The following WNT9B variants were observed in gnomAD, a reference collection of about 807,000 sequenced individuals.
WNT9B encodes the protein protein Wnt-9b.
Under a neutral mutation model 30.2 loss-of-function variants are expected in WNT9B, and 12 were observed. The observed-to-expected ratio is 0.40, with a 90% CI of 0.26 to 0.64. WNT9B has a LOEUF of 0.64. Among genes scored for constraint, WNT9B ranks in the 30% least tolerant of loss-of-function variants. The pLI is 0.42. For missense variants in WNT9B, 442 were observed against 485.2 expected (o/e 0.91, Z 0.84); for synonymous variants, 218 against 216.9 (o/e 1.01, Z -0.05).
chr17:46,885,819 C>T (rs1245702124), exon 5 of WNT9B: 1 of 152,402 alleles, frequency 6.6e-6, no homozygotes, highest in Non-Finnish European at 1.5e-5. Flanking sequence ...TCCTTATTGC[C>T]CCTGCTACTT....
chr17:46,875,028 G>A (rs2085320833), intron 2 of WNT9B, 73 bp from the exon 3 acceptor site: 4 of 1,611,434 alleles, frequency 2.5e-6, no homozygotes, highest in Non-Finnish European at 3.4e-6. Flanking sequence ...AGGGCGGCAG[G>A]CAACCTCTAA....
In WNT9B at chr17:46,841,473, C is replaced by T. The variant is rs146253736; in HGVS notation, c.95+8033C>T. Among the ~76,000 whole-genome samples the T allele has an allele frequency of 7.7e-3, 1,175 of 152,282 alleles. 3 individuals carry two copies. The highest frequency in any genetic ancestry group is 0.014 in the Non-Finnish European group (943 of 68,028). On this transcript the variant is annotated intron_variant, in intron 1 of 2. Coordinates refer to the WNT9B transcript ENST00000575372. The stretch of plus-strand genomic sequence containing the variant: ...CCTCTGGGCGGGAGGGTGGAGAATC[C>T]GAAAGAAAGAGGCCCGTCCCTGGTC...
Position 46,875,177 on chromosome 17 carries a change from T to C in WNT9B, c.411T>C (p.Ala137=). The change falls in exon 3 of 4, where the codon GCT becomes GCC. Residue 137 remains alanine, a synonymous_variant. Coordinates refer to ENST00000290015, the MANE Select transcript of WNT9B (RefSeq NM_003396.3). ...ACACCCTGGCCCGGGCCTGCAGCGC[T>C]GGGCGCATGGAGCGCTGCACCTGTG... ...LTHTLARACS[A]GRMERCTCDD... The C allele has an allele frequency of 6.2e-7, 1 of 1,613,998 alleles. No homozygotes were observed. Among genetic ancestry groups the C allele is most frequent in the Middle Eastern group, 1.6e-4 (1 of 6,062 alleles).
At chr17:46,868,893 A>G (rs954555094) in intron 1 of WNT9B, among the ~76,000 whole-genome samples, 5 of 152,258 alleles carry the variant, frequency 3.3e-5, no homozygotes, top group South Asian at 2.1e-4. Context: ...CCTTCCCAGC[A>G]GAAGCCATGG....
At position 46,877,040 on chromosome 17, in the gene WNT9B, G is replaced by A. The variant is rs2085357962; in HGVS notation, c.*322G>A. 8.6e-7 allele frequency: 1 copy of A among 1,161,246 alleles called. No homozygotes were observed. Among genetic ancestry groups the A allele is most frequent in the African/African-American group, 1.6e-5 (1 of 63,154 alleles). The allele number at this position is 1,161,246 out of a possible 1,614,324, so 71.9% of individuals were successfully genotyped here. A position where few individuals can be genotyped will look rare whatever the true frequency, so the allele number is the denominator to read the frequency against. On this transcript the variant is annotated 3_prime_UTR_variant, in exon 4 of 4. Transcript: ENST00000290015. ...CACAGCAGGACTGAAATTTTGGACG[G>A]GAGAGAGGGGCTATTCCATCTTGCT... is the stretch of plus-strand genomic sequence containing the variant.
intron 1 of WNT9B, among the ~76,000 whole-genome samples, chr17:46,842,645 T>C (rs2084729779): frequency 6.6e-6 from 1 of 152,206 alleles, no homozygotes; most frequent in Non-Finnish European, 1.5e-5. Context: ...AGTGCTGGGA[T>C]TACAGGCATG....
At chr17:46,835,213 T>C (rs1461750518) in intron 1 of WNT9B, among the ~76,000 whole-genome samples, 1 of 151,884 alleles carries the variant, frequency 6.6e-6, no homozygotes, top group Non-Finnish European at 1.5e-5. Flanking sequence ...TGTCCCTTAT[T>C]CTTTTTTTTC....
At chr17:46,846,246 AG>A (rs924601038) in intron 1 of WNT9B, among the ~76,000 whole-genome samples, 37 of 152,226 alleles carry the variant, frequency 2.4e-4, no homozygotes, top group African/African-American at 8.7e-4. Flanking sequence ...AATCAGAGGC[AG>A]GGTTTGTAGC....
chr17:46,874,945 G>A (rs758171158), intron 2 of WNT9B, 156 bp from the exon 3 acceptor site: 34 of 1,166,040 alleles, frequency 2.9e-5, no homozygotes, highest in African/African-American at 1.2e-4. Flanking sequence ...AGACCCACCC[G>A]GAGCTGTGTC....
intron 1 of WNT9B, among the ~76,000 whole-genome samples, chr17:46,839,955 TC>T (rs1473724628): frequency 4.3e-4 from 64 of 150,408 alleles, no homozygotes; most frequent in Middle Eastern, 3.4e-3. Flanking sequence ...TTTCTTTCTT[TC>T]TTTCTTTCTT....
intron 1 of WNT9B, among the ~76,000 whole-genome samples, chr17:46,845,973 C>CAG (rs1213088588): frequency 6.6e-6 from 1 of 151,850 alleles, no homozygotes; most frequent in Non-Finnish European, 1.5e-5. Context: ...GTATTTTCAG[C>CAG]AGAGATGGGG....
At chr17:46,870,559 G>T (rs189094875) in intron 1 of WNT9B, among the ~76,000 whole-genome samples, 11 of 152,236 alleles carry the variant, frequency 7.2e-5, no homozygotes, top group Admixed American at 6.5e-5. Context: ...GTCTCTGCTC[G>T]GAGGTTTCGG....
In WNT9B at chr17:46,851,742, G is replaced by A. The variant is rs2084850050; in HGVS notation, c.77+27G>A. 7 of 1,203,232 alleles carry A rather than the reference G, an allele frequency of 5.8e-6. No homozygotes were observed. Among genetic ancestry groups the A allele is most frequent in the South Asian group, 3.3e-5 (1 of 30,768 alleles). 74.5% of individuals were successfully genotyped at this position (1,203,232 alleles called of 1,614,324 possible). A position where few individuals can be genotyped will look rare whatever the true frequency, so the allele number is the denominator to read the frequency against. On this transcript the variant is annotated intron_variant, in intron 1 of 3. Transcript: ENST00000290015. This position sits in a 1 kb window ranked among gnomAD's most constrained non-coding sequence, Gnocchi z 4.3. ...TCAGTGCCCGCCGCGCCCCCCGCCC[G>A]CTCCCCGGCCTGCCTGTCTCTCCCT... is the stretch of plus-strand genomic sequence containing the variant.
chr17:46,863,368 G>C (rs998846298), intron 1 of WNT9B, among the ~76,000 whole-genome samples: 13 of 152,232 alleles, frequency 8.5e-5, no homozygotes, highest in South Asian at 2.1e-4. Flanking sequence ...TGCTTGGGAG[G>C]AGCACGCATC....
intron 1 of WNT9B, among the ~76,000 whole-genome samples, chr17:46,853,777 A>G (rs867749948): frequency 2.6e-5 from 4 of 152,146 alleles, no homozygotes; most frequent in Non-Finnish European, 4.4e-5. Context: ...ATCCTCTTAC[A>G]CACTGGCTCA....
chr17:46,878,479 A>G lies in WNT9B; in HGVS notation c.*1761A>G, dbSNP rs1163165539. 6.6e-6 allele frequency among the ~76,000 whole-genome samples: 1 copy of G among 152,208 alleles called. No individual in the cohort carries two copies. The highest frequency in any genetic ancestry group is 1.9e-4 in the East Asian group (1 of 5,196). On this transcript the variant is annotated 3_prime_UTR_variant, in exon 4 of 4. Coordinates refer to ENST00000290015, the MANE Select transcript of WNT9B (RefSeq NM_003396.3). The stretch of plus-strand genomic sequence containing the variant: ...TGCAGAGGCCCGGCTGAGAAGCCAA[A>G]CTGACCTGAGCCCCTCTCGTTAAAA...
chr17:46,876,806 C>A lies in WNT9B; in HGVS notation c.*88C>A. The A allele has an allele frequency of 6.9e-7, 1 of 1,450,954 alleles. No homozygotes were observed. The highest frequency in any genetic ancestry group is 1.5e-5 in the South Asian group (1 of 68,350). The allele number at this position is 1,450,954 out of a possible 1,614,324, so 89.9% of individuals were successfully genotyped here. A position where few individuals can be genotyped will look rare whatever the true frequency, so the allele number is the denominator to read the frequency against. On this transcript the variant is annotated 3_prime_UTR_variant, in exon 4 of 4. Transcript: ENST00000290015. ...CCAGCCGGCCCTCTGGGCAGACTGT[C>A]ATCACATGCATGCATAAACCGGCAT... is the stretch of plus-strand genomic sequence containing the variant.
chr17:46,852,474 G>T (rs113483958), intron 1 of WNT9B, among the ~76,000 whole-genome samples: 2 of 151,116 alleles, frequency 1.3e-5, no homozygotes, highest in African/African-American at 4.9e-5. Context: ...ACAGTGGGGG[G>T]TGACACCTGG....
downstream of WNT9B, chr17:46,884,996 C>CTT (rs750351037): frequency 5.9e-5 from 22 of 372,834 alleles, no homozygotes; most frequent in Admixed American, 8.9e-5. Context: ...ATTTCCTTAG[C>CTT]TTTTTTTTTT....
Sources: gnomAD v4.1 joint callset for allele counts (sites outside exome capture counted in the v4.1 genomes callset) on GRCh38, gnomAD v4.1.1 for gene constraint, Gnocchi (gnomAD v3.1) non-coding constraint, MANE v1.5 for transcripts, NCBI Gene and HGNC (gene_info 2026-07-23, HGNC 2026-07-21) for gene names.